ASIC2: variants seen among roughly 807,000 people sequenced by gnomAD.
ASIC2 encodes the protein acid-sensing ion channel 2.
ASIC2 carries 25 observed loss-of-function variants against 57.3 expected under a neutral mutation model. That is an observed-to-expected ratio of 0.44 (90% CI 0.32 to 0.61). ASIC2 has a LOEUF of 0.61. Ranked by LOEUF, ASIC2 falls within the 20% of genes least tolerant of loss-of-function variation. The pLI is 0.06. For synonymous variants in ASIC2, 319 were observed against 307.5 expected (o/e 1.04, Z -0.39); for missense variants, 641 against 738.1 (o/e 0.87, Z 1.52).
At chr17:33,552,824 C>T (rs907839435) in intron 1 of ASIC2, among the ~76,000 whole-genome samples, 5 of 152,200 alleles carry the variant, frequency 3.3e-5, no homozygotes, top group South Asian at 2.1e-4. Context: ...GGAACACTCG[C>T]GTCAGGTATT....
intron 1 of ASIC2, among the ~76,000 whole-genome samples, chr17:34,033,371 A>T (rs1006871644): frequency 3.3e-5 from 5 of 152,202 alleles, no homozygotes; most frequent in Admixed American, 6.5e-5. Context: ...AGCAGTGTGT[A>T]GAGGGAAATT....
intron 1 of ASIC2, among the ~76,000 whole-genome samples, chr17:33,308,786 T>C (rs1906284057): frequency 6.6e-6 from 1 of 152,148 alleles, no homozygotes; most frequent in East Asian, 1.9e-4. Flanking sequence ...CCAACAACAT[T>C]ATGAATCACT....
At chr17:33,371,597 C>G (rs1909063527) in intron 1 of ASIC2, among the ~76,000 whole-genome samples, 1 of 152,192 alleles carries the variant, frequency 6.6e-6, no homozygotes. Context: ...TTTCCCTTCA[C>G]CTGTGGGATG....
chr17:34,121,148 A>G (rs939334275), intron 1 of ASIC2, among the ~76,000 whole-genome samples: 1 of 152,202 alleles, frequency 6.6e-6, no homozygotes, highest in Admixed American at 6.5e-5. Flanking sequence ...AACTCCAAGG[A>G]TCCCAGCATC....
chr17:34,035,986 A>G (rs11658857), intron 1 of ASIC2, among the ~76,000 whole-genome samples: 18,722 of 150,248 alleles, frequency 0.12, 1,244 homozygotes, highest in Admixed American at 0.18. Flanking sequence ...GATTCCTCAG[A>G]GATCTTGAAC....
intron 7 of ASIC2, among the ~76,000 whole-genome samples, chr17:33,020,362 A>G (rs943156309): frequency 6.6e-6 from 1 of 152,184 alleles, no homozygotes; most frequent in Non-Finnish European, 1.5e-5. Flanking sequence ...CCATATTCTC[A>G]TAGCTGGTGT....
chr17:34,099,419 GAATGA>G (rs1280174499), intron 1 of ASIC2, among the ~76,000 whole-genome samples: 1 of 123,462 alleles, frequency 8.1e-6, no homozygotes, highest in East Asian at 2.3e-4. Flanking sequence ...AGGAAAGAAA[GAATGA>G]AAGAAAGAAG....
intron 1 of ASIC2, among the ~76,000 whole-genome samples, chr17:34,066,615 AG>A (rs1909181748): frequency 6.6e-6 from 1 of 152,186 alleles, no homozygotes; most frequent in African/African-American, 2.4e-5. Context: ...AAACACCTCA[AG>A]GACAGGCATT....
intron 1 of ASIC2, among the ~76,000 whole-genome samples, chr17:33,819,758 T>G (rs1342602218): frequency 6.6e-6 from 1 of 152,350 alleles, no homozygotes; most frequent in Middle Eastern, 3.4e-3. Flanking sequence ...CTGTGTGATC[T>G]TGTGCTAGTT....
At chr17:33,022,530 G>GGCTCAGCCTACAAGACCCTCTT (rs1316785719) in intron 6 of ASIC2, among the ~76,000 whole-genome samples, 1 of 152,104 alleles carries the variant, frequency 6.6e-6, no homozygotes, top group African/African-American at 2.4e-5. Flanking sequence ...GCACCCACTC[G>GGCTCAGCCTACAAGACCCTCTT]GCTCAGCCTA....
At chr17:33,488,447 T>C (rs1913646790) in intron 1 of ASIC2, among the ~76,000 whole-genome samples, 1 of 152,240 alleles carries the variant, frequency 6.6e-6, no homozygotes, top group Admixed American at 6.5e-5. Context: ...TATCAAATTC[T>C]GTGAAAGATT....
intron 1 of ASIC2, among the ~76,000 whole-genome samples, chr17:33,316,643 G>A (rs1906668092): frequency 1.3e-5 from 2 of 152,224 alleles, no homozygotes; most frequent in East Asian, 1.9e-4. Flanking sequence ...GTTAGCCCCA[G>A]TGAACTAGAA....
At chr17:33,389,134 A>AT (rs1218300879) in intron 1 of ASIC2, among the ~76,000 whole-genome samples, 2 of 151,974 alleles carry the variant, frequency 1.3e-5, no homozygotes, top group Non-Finnish European at 2.9e-5. Context: ...TAATCTTCGT[A>AT]TTTTTTGTAG....
intron 1 of ASIC2, among the ~76,000 whole-genome samples, chr17:33,382,583 A>C (rs1409629356): frequency 1.3e-5 from 2 of 152,244 alleles, no homozygotes; most frequent in South Asian, 2.1e-4. Context: ...TTTGCCCTGC[A>C]GACCTATTAC....
At chr17:33,790,891 C>T (rs112563748) in intron 1 of ASIC2, among the ~76,000 whole-genome samples, 6,447 of 152,280 alleles carry the variant, frequency 0.042, 173 homozygotes, top group Middle Eastern at 0.092. Context: ...GTCTTACTTA[C>T]TCTGCTCAAC....
At chr17:33,245,141 T>C (rs768208801) in intron 1 of ASIC2, among the ~76,000 whole-genome samples, 1 of 152,222 alleles carries the variant, frequency 6.6e-6, no homozygotes, top group African/African-American at 2.4e-5. Context: ...CTAGTGGCCA[T>C]GGCTCCTGGG....
At chr17:33,204,112 G>A (rs1450466225) in intron 1 of ASIC2, among the ~76,000 whole-genome samples, 2 of 152,212 alleles carry the variant, frequency 1.3e-5, no homozygotes, top group Admixed American at 1.3e-4. Flanking sequence ...TCTGAGAGTT[G>A]GGCTTTCAGA....
chr17:33,468,091 C>T (rs544739867), intron 1 of ASIC2, among the ~76,000 whole-genome samples: 2 of 152,298 alleles, frequency 1.3e-5, no homozygotes, highest in African/African-American at 4.8e-5. Context: ...ATGGCTCTTC[C>T]TTGGTTCTCA....
chr17:34,155,719 C>T (rs1024571286), intron 1 of ASIC2: 56 of 483,442 alleles, frequency 1.2e-4, no homozygotes, highest in Admixed American at 4.2e-4. Context: ...CAACTGAGCA[C>T]GTCTGGGGAA....
Sources: gnomAD v4.1 joint callset for allele counts (sites outside exome capture counted in the v4.1 genomes callset) on GRCh38, gnomAD v4.1.1 for gene constraint, MANE v1.5 for transcripts, NCBI Gene and HGNC (gene_info 2026-07-23, HGNC 2026-07-21) for gene names.